The following NRAP variants were observed in gnomAD, a reference collection of about 807,000 sequenced individuals.
NRAP encodes the protein nebulin related anchoring protein, also known as nebulin-related-anchoring protein.
NRAP carries 189 observed loss-of-function variants against 225.9 expected under a neutral mutation model. The observed-to-expected ratio is 0.84, with a 90% CI of 0.74 to 0.94. The LOEUF is 0.94. Among genes scored for constraint, NRAP ranks in the 40% least tolerant of loss-of-function variants. The pLI is 0.00. For missense variants in NRAP, 2,176 were observed against 2,168.7 expected, an observed-to-expected ratio of 1.00 and a Z score of -0.07; for synonymous variants, 769 against 790.7, an observed-to-expected ratio of 0.97 and a Z score of 0.46.
At chr10:113,658,639 G>C (rs1850459730) in intron 3 of NRAP, among the ~76,000 whole-genome samples, 1 of 152,158 alleles carries the variant, frequency 6.6e-6, no homozygotes, top group Admixed American at 6.5e-5. Context: ...CCAGCAATTT[G>C]GGAGGCCAAG....
At chr10:113,633,041 G>T in intron 16 of NRAP, 43 bp downstream of exon 16, 1 of 993,432 alleles carries the variant, frequency 1.0e-6, no homozygotes, top group Non-Finnish European at 1.6e-6. Context: ...TTTTCACATC[G>T]CTCTATAACC....
chr10:113,601,003 G>A (rs918420580), intron 35 of NRAP, among the ~76,000 whole-genome samples: 6 of 152,168 alleles, frequency 3.9e-5, no homozygotes, highest in South Asian at 2.1e-4. Context: ...GACTGTCTCC[G>A]TGACATTTCC....
chr10:113,662,535 G>A (rs1049853277), intron 3 of NRAP, 144 bp downstream of exon 3: 28 of 631,900 alleles, frequency 4.4e-5, no homozygotes, highest in African/African-American at 3.6e-4. Context: ...CCATCTGCCC[G>A]CTTTGGCCTC....
In NRAP at chr10:113,588,836, CAG is replaced by C. The variant is rs1845739929; in HGVS notation, c.*137_*138del. The C allele has an allele frequency of 1.4e-6, 1 of 691,580 alleles. No homozygotes were observed. Among genetic ancestry groups the C allele is most frequent in the South Asian group, 1.8e-5 (1 of 56,638 alleles). The allele number at this position is 691,580 out of a possible 1,614,324, so 42.8% of individuals were successfully genotyped here. On this transcript the variant is annotated 3_prime_UTR_variant, in exon 42 of 42. Transcript: ENST00000359988. ...AAATACAACATTCTCCATCTGCTTT[CAG>C]AGTTATTATTTTAATAAAGGAAGAT...
chr10:113,611,073 G>A (rs780449495), intron 30 of NRAP, among the ~76,000 whole-genome samples: 11 of 152,108 alleles, frequency 7.2e-5, no homozygotes, highest in Non-Finnish European at 1.3e-4. Flanking sequence ...TGAATGATTC[G>A]GGCTGACAGT....
chr10:113,622,510 A>C (rs1459031730), intron 23 of NRAP, among the ~76,000 whole-genome samples: 5 of 152,226 alleles, frequency 3.3e-5, no homozygotes, highest in African/African-American at 1.2e-4. Flanking sequence ...ACTGGAGTAC[A>C]TACATATTTG....
intron 14 of NRAP, 84 bp from the exon 15 acceptor site, chr10:113,634,294 G>A (rs181891575): frequency 1.0e-6 from 1 of 961,762 alleles, no homozygotes; most frequent in East Asian, 2.4e-5. Flanking sequence ...CCAATAAAGT[G>A]GCAATTCTCA....
chr10:113,626,518 C>T (rs1041036596), intron 20 of NRAP, among the ~76,000 whole-genome samples: 1 of 152,120 alleles, frequency 6.6e-6, no homozygotes, highest in African/African-American at 2.4e-5. Context: ...ATCCTTCCAG[C>T]TTCATTACCT....
intron 33 of NRAP, 25 bp downstream of exon 33, chr10:113,606,153 G>A: frequency 6.5e-7 from 1 of 1,549,416 alleles, no homozygotes; most frequent in Non-Finnish European, 8.9e-7. Flanking sequence ...GAGCATGCTT[G>A]AACTTAAGTA....
At position 113,612,440 on chromosome 10, in the gene NRAP, G is replaced by T. The variant is rs201870940; in HGVS notation, c.3301-9C>A. 69 of 1,611,194 alleles carry T rather than the reference G, an allele frequency of 4.3e-5. No individual in the cohort carries two copies. Among genetic ancestry groups the T allele is most frequent in the Middle Eastern group, 1.7e-4 (1 of 5,768 alleles). ...CCTTTCTTGTAATTCACCTAGAGGG[G>T]CAGACAGAGCAACAGCAGCTATTTC... On this transcript the variant is annotated splice_polypyrimidine_tract_variant and intron_variant, in intron 29 of 41. Transcript: ENST00000359988.
chr10:113,631,646 G>C, intron 17 of NRAP, 36 bp from the exon 18 acceptor site: 1 of 1,401,814 alleles, frequency 7.1e-7, no homozygotes. Context: ...GTGAGTGAGA[G>C]AGAAACTTTG....
intron 35 of NRAP, among the ~76,000 whole-genome samples, chr10:113,598,714 G>A (rs1248359063): frequency 6.6e-6 from 1 of 152,156 alleles, no homozygotes; most frequent in African/African-American, 2.4e-5. Flanking sequence ...AACAAATTTG[G>A]ATGCCACCAG....
chr10:113,623,987 C>G (rs1295293097), intron 22 of NRAP, among the ~76,000 whole-genome samples: 1 of 152,202 alleles, frequency 6.6e-6, no homozygotes, highest in Non-Finnish European at 1.5e-5. Context: ...CCACGCACCC[C>G]ACCCTGCCAG....
rs750235267 is a variant in NRAP, at chr10:113,614,211, G to A, written c.3272C>T (p.Ser1091Leu). The A allele has an allele frequency of 6.2e-7, 1 of 1,613,832 alleles. No homozygotes were observed. The highest frequency in any genetic ancestry group is 2.2e-5 in the East Asian group (1 of 44,878). The change falls in exon 29 of 42, where the codon TCA becomes TTA. Residue 1091 changes from serine (S) to leucine (L), a missense_variant. This residue lies in a region of NRAP where 1,708 missense variants were observed against 1,695.5 expected (regional missense o/e 1.01). Coordinates refer to ENST00000359988, the MANE Select transcript of NRAP (RefSeq NM_198060.4). ...SLEDDISLAH[S>L]VYATSLQSDV... ...ACTCTGCAGTGAGGTCGCATACACT[G>A]AATGTGCAAGGCTGATATCATCTTC...
At position 113,588,956 on chromosome 10, in the gene NRAP, G is replaced by GAATC. The variant is rs767569311; in HGVS notation, c.*15_*18dup. The GAATC allele has an allele frequency of 5.7e-6, 9 of 1,572,928 alleles. No homozygotes were observed. In the Admixed American group the frequency reaches 1.4e-4, roughly 25 times the overall value. On this transcript the variant is annotated 3_prime_UTR_variant, in exon 42 of 42. Transcript: ENST00000359988. ...ACAAACTTCCTCTCTGGCCTCTCAGGAATCAGGGTGGACATGGCTCACAAC... is the reference window on the plus strand; with the variant it reads ...ACAAACTTCCTCTCTGGCCTCTCAGGAATCAATCAGGGTGGACATGGCTCACAAC...
chr10:113,607,923 A>C (rs778997463), intron 32 of NRAP, among the ~76,000 whole-genome samples: 4 of 151,928 alleles, frequency 2.6e-5, no homozygotes, highest in South Asian at 2.1e-4. Context: ...GAGTGAGAAG[A>C]GGAGAAGGTA....
chr10:113,590,532 A>G (rs1845905274), intron 40 of NRAP, 46 bp downstream of exon 40: 2 of 1,571,514 alleles, frequency 1.3e-6, no homozygotes, highest in African/African-American at 2.7e-5. Context: ...TCTTAGGAAG[A>G]GGCACCAGGG....
At chr10:113,645,198 A>G (rs1265517613) in intron 11 of NRAP, among the ~76,000 whole-genome samples, 2 of 152,204 alleles carry the variant, frequency 1.3e-5, no homozygotes, top group Non-Finnish European at 2.9e-5. Context: ...TTGTTTAAAA[A>G]GATGGATCCT....
intron 20 of NRAP, 57 bp downstream of exon 20, chr10:113,628,860 C>A: frequency 2.2e-6 from 2 of 915,492 alleles, no homozygotes; most frequent in South Asian, 1.6e-5. Context: ...CAAAGATCAC[C>A]CTGCATGTGT....
Sources: gnomAD v4.1 joint callset for allele counts (sites outside exome capture counted in the v4.1 genomes callset) on GRCh38, gnomAD v4.1.1 for gene constraint, gnomAD v4.1.1 regional missense constraint, MANE v1.5 for transcripts, NCBI Gene and HGNC (gene_info 2026-07-23, HGNC 2026-07-21) for gene names.